NCOA1: variants seen among roughly 807,000 people sequenced by gnomAD.
NCOA1 encodes nuclear receptor coactivator 1.
Under a neutral mutation model 150.9 loss-of-function variants are expected in NCOA1, and 35 were observed. The ratio of observed to expected loss-of-function variants is 0.23; its 90% CI spans 0.18 to 0.31. The LOEUF (loss-of-function observed/expected upper bound fraction) is 0.31. Ranked by LOEUF, NCOA1 falls within the 10% of genes least tolerant of loss-of-function variation. The pLI is 1.00. For missense variants in NCOA1, 1,491 were observed against 1,749.3 expected (o/e 0.85, Z 2.63); for synonymous variants, 590 against 630.0 (o/e 0.94, Z 0.95).
At chr2:24,733,524 G>A (rs1027682175) in intron 17 of NCOA1, among the ~76,000 whole-genome samples, 12 of 150,242 alleles carry the variant, frequency 8.0e-5, no homozygotes, top group African/African-American at 2.7e-4. Context: ...CGGGTGGGTT[G>A]CCTGAGCTCC....
chr2:24,750,247 C>A (rs552995521), intron 19 of NCOA1, among the ~76,000 whole-genome samples: 1 of 152,218 alleles, frequency 6.6e-6, no homozygotes, highest in East Asian at 1.9e-4. Flanking sequence ...AATTAACAAA[C>A]TTATCCTAAA....
At chr2:24,622,862 A>G (rs1669233026) in intron 3 of NCOA1, among the ~76,000 whole-genome samples, 1 of 152,232 alleles carries the variant, frequency 6.6e-6, no homozygotes, top group Admixed American at 6.5e-5. Context: ...GAGGTGTCAC[A>G]TAAAAGATAC....
intron 19 of NCOA1, 42 bp from the exon 20 acceptor site, chr2:24,751,940 T>C: frequency 6.5e-7 from 1 of 1,547,574 alleles, no homozygotes; most frequent in Non-Finnish European, 8.8e-7. Flanking sequence ...GGTTAATAAA[T>C]TTATAGTGTA....
intron 3 of NCOA1, among the ~76,000 whole-genome samples, chr2:24,601,507 A>G (rs1366250297): frequency 6.6e-6 from 1 of 150,976 alleles, no homozygotes. Flanking sequence ...GAGCCACTGC[A>G]TCTGGTCAGA....
At chr2:24,541,897 T>C (rs532338225) in intron 1 of NCOA1, among the ~76,000 whole-genome samples, 47 of 152,294 alleles carry the variant, frequency 3.1e-4, no homozygotes, top group Non-Finnish European at 5.4e-4. Context: ...TTTAAATTCA[T>C]AGACTCAGTG....
chr2:24,687,718 G>C (rs1219014805), intron 8 of NCOA1, among the ~76,000 whole-genome samples: 4 of 152,168 alleles, frequency 2.6e-5, no homozygotes, highest in Non-Finnish European at 4.4e-5. Context: ...GAACAGCATG[G>C]GGGGAGCTGC....
At chr2:24,732,672 T>C (rs930846148) in intron 17 of NCOA1, among the ~76,000 whole-genome samples, 1 of 152,120 alleles carries the variant, frequency 6.6e-6, no homozygotes, top group Admixed American at 6.5e-5. Flanking sequence ...TTTGACCCAA[T>C]TGACAATCCA....
At chr2:24,605,464 T>C (rs1174483760) in intron 3 of NCOA1, among the ~76,000 whole-genome samples, 1 of 152,220 alleles carries the variant, frequency 6.6e-6, no homozygotes, top group East Asian at 1.9e-4. Flanking sequence ...TACTATTCAG[T>C]TAAGGGTATG....
At chr2:24,688,978 T>C (rs763238173) in intron 8 of NCOA1, among the ~76,000 whole-genome samples, 1 of 152,212 alleles carries the variant, frequency 6.6e-6, no homozygotes, top group Non-Finnish European at 1.5e-5. Flanking sequence ...TATCCAGTTA[T>C]CACAGCACCA....
At chr2:24,532,556 G>C (rs572451290) in intron 1 of NCOA1, among the ~76,000 whole-genome samples, 43 of 152,236 alleles carry the variant, frequency 2.8e-4, no homozygotes, top group Non-Finnish European at 5.1e-4. Flanking sequence ...GTATTGCCTA[G>C]GTTTTCTTCT....
chr2:24,587,355 A>G (rs1209586840), intron 3 of NCOA1, among the ~76,000 whole-genome samples: 1 of 152,114 alleles, frequency 6.6e-6, no homozygotes, highest in Non-Finnish European at 1.5e-5. Context: ...TCTCCAACGC[A>G]CCTGACATTG....
rs1663493870 is a variant in NCOA1, at chr2:24,739,428, C to G, written c.3202-4C>G. The G allele has an allele frequency of 1.2e-6, 2 of 1,605,440 alleles. No individual in the cohort carries two copies. The highest frequency in any genetic ancestry group is 1.7e-6 in the Non-Finnish European group (2 of 1,172,350). ...TATATCTTATTGTTTCCATTTTTCTCTAGTTGATACACCAAAATCGGCAAG... is the reference window on the plus strand; with the variant it reads ...TATATCTTATTGTTTCCATTTTTCTGTAGTTGATACACCAAAATCGGCAAG... On this transcript the variant is annotated splice_region_variant and splice_polypyrimidine_tract_variant and intron_variant, in intron 17 of 22. Transcript: ENST00000348332.
chr2:24,682,337 G>C (rs1672213694), intron 7 of NCOA1, among the ~76,000 whole-genome samples: 1 of 152,190 alleles, frequency 6.6e-6, no homozygotes, highest in Non-Finnish European at 1.5e-5. Flanking sequence ...TCTGCACCGA[G>C]TCAGGCACCA....
In NCOA1 at chr2:24,640,891, A is replaced by G. The variant is rs192144104; in HGVS notation, c.-174-3075A>G. On this transcript the variant is annotated intron_variant, in intron 3 of 22. Transcript: ENST00000348332. ...TATAGTGTGGGTTTGCTTTTTCCCT[A>G]GTTTCCATCTTTTAATTGTAATGTT... is the stretch of plus-strand genomic sequence containing the variant. Among the ~76,000 whole-genome samples, 109 of 152,014 alleles carry G rather than the reference A, an allele frequency of 7.2e-4. 1 individual carries two copies. Among genetic ancestry groups the G allele is most frequent in the Middle Eastern group, 3.4e-3 (1 of 294 alleles).
chr2:24,714,575 T>C (rs1259124516), intron 14 of NCOA1, among the ~76,000 whole-genome samples: 2 of 151,912 alleles, frequency 1.3e-5, no homozygotes, highest in African/African-American at 4.8e-5. Context: ...TGGAGGAGCC[T>C]ACCAGCAGAT....
At chr2:24,622,719 G>T (rs967108384) in intron 3 of NCOA1, among the ~76,000 whole-genome samples, 13 of 152,098 alleles carry the variant, frequency 8.5e-5, no homozygotes, top group African/African-American at 3.1e-4. Context: ...TATTAAGAAG[G>T]TTGGGTATAT....
chr2:24,621,065 A>T (rs904150115), intron 3 of NCOA1, among the ~76,000 whole-genome samples: 1 of 152,074 alleles, frequency 6.6e-6, no homozygotes, highest in Non-Finnish European at 1.5e-5. Flanking sequence ...CCTTCTTTGG[A>T]GTATCCCAGC....
chr2:24,718,908 A>G (rs1203046146), intron 14 of NCOA1, among the ~76,000 whole-genome samples: 1 of 150,528 alleles, frequency 6.6e-6, no homozygotes, highest in Non-Finnish European at 1.5e-5. Context: ...GGGCGCCTGT[A>G]ATCACAGCTT....
chr2:24,725,605 G>A (rs1360822617), intron 14 of NCOA1, among the ~76,000 whole-genome samples: 1 of 151,930 alleles, frequency 6.6e-6, no homozygotes, highest in Non-Finnish European at 1.5e-5. Flanking sequence ...GTACAATTCA[G>A]CCCATAACAA....
Sources: allele counts gnomAD v4.1 joint callset (sites outside exome capture counted in the v4.1 genomes callset), GRCh38; gene constraint gnomAD v4.1.1; transcripts MANE v1.5; gene names NCBI Gene and HGNC (gene_info 2026-07-23, HGNC 2026-07-21).